The following PHLPP1 variants were observed in gnomAD, a reference collection of about 807,000 sequenced individuals.
PHLPP1 encodes the protein PH domain leucine-rich repeat-containing protein phosphatase 1.
Under a neutral mutation model 117.2 loss-of-function variants are expected in PHLPP1, and 42 were observed. The ratio of observed to expected loss-of-function variants is 0.36; its 90% CI spans 0.28 to 0.46. The LOEUF (loss-of-function observed/expected upper bound fraction) is 0.46. PHLPP1 is among the 20% of genes least tolerant of loss of function. PHLPP1 has a pLI of 1.00. For missense variants in PHLPP1, 2,084 were observed against 2,241.9 expected (o/e 0.93, Z 1.42); for synonymous variants, 1,042 against 970.7 (o/e 1.07, Z -1.37).
intron 6 of PHLPP1, among the ~76,000 whole-genome samples, chr18:62,902,025 A>G (rs1916737514): frequency 6.6e-6 from 1 of 152,220 alleles, no homozygotes; most frequent in Admixed American, 6.5e-5. Flanking sequence ...TAAAGGAGTT[A>G]GACATAGCCT....
chr18:62,739,056 G>A (rs1183786377), intron 1 of PHLPP1, among the ~76,000 whole-genome samples: 1 of 152,192 alleles, frequency 6.6e-6, no homozygotes, highest in Non-Finnish European at 1.5e-5. Context: ...GATGTGTTAA[G>A]TTTGAGGTTC....
At chr18:62,879,989 C>T (rs1384785499) in intron 4 of PHLPP1, among the ~76,000 whole-genome samples, 2 of 151,936 alleles carry the variant, frequency 1.3e-5, no homozygotes, top group Non-Finnish European at 2.9e-5. Context: ...CCCCCAATGC[C>T]GCCAGTAAGT....
rs869097239 is a variant in PHLPP1 at position 62,836,484 on chromosome 18, TAA to T, written c.1774-2296_1774-2295del. Among the ~76,000 whole-genome samples, 41 of 108,450 alleles carry T rather than the reference TAA, an allele frequency of 3.8e-4. No individual in the cohort carries two copies. The East Asian group carries it at 6.6e-3, about 17-fold the overall frequency. The allele number at this position is 108,450 out of a possible 152,430, so 71.1% of individuals were successfully genotyped here. On this transcript the variant is annotated intron_variant, in intron 2 of 16. Transcript: ENST00000262719. ...ATAAATAAATAAATAAATAAATAAATAAAAATAAATTACTGGATTTTGATGCA... is the reference window on the plus strand; with the variant it reads ...ATAAATAAATAAATAAATAAATAAATAAATAAATTACTGGATTTTGATGCA...
At chr18:62,847,846 T>A (rs2144349307) in intron 3 of PHLPP1, among the ~76,000 whole-genome samples, 1 of 152,352 alleles carries the variant, frequency 6.6e-6, no homozygotes, top group South Asian at 2.1e-4. Context: ...TTTTTCCTTA[T>A]AAGTGAGCTG....
At chr18:62,977,930 A>G (rs1218275810) in intron 16 of PHLPP1, among the ~76,000 whole-genome samples, 3 of 152,234 alleles carry the variant, frequency 2.0e-5, no homozygotes, top group Admixed American at 6.5e-5. Flanking sequence ...CTAGCCAGCT[A>G]TGCTTGCTGT....
At chr18:62,758,716 G>GA (rs1286462198) in intron 1 of PHLPP1, among the ~76,000 whole-genome samples, 3 of 152,006 alleles carry the variant, frequency 2.0e-5, no homozygotes, top group Admixed American at 1.3e-4. Context: ...TTTGCATGTG[G>GA]AAAACCCGTG....
At chr18:62,866,789 C>A (rs1252692833) in intron 4 of PHLPP1, among the ~76,000 whole-genome samples, 1 of 152,106 alleles carries the variant, frequency 6.6e-6, no homozygotes, top group Non-Finnish European at 1.5e-5. Flanking sequence ...ACAGAGTCAC[C>A]GACTTGATCC....
intron 4 of PHLPP1, among the ~76,000 whole-genome samples, chr18:62,881,105 T>C (rs770763415): frequency 6.6e-6 from 1 of 152,206 alleles, no homozygotes; most frequent in Non-Finnish European, 1.5e-5. Flanking sequence ...GAGTTTTCTC[T>C]TTAGGGCTGG....
At chr18:62,802,501 A>G (rs573838891) in intron 1 of PHLPP1, among the ~76,000 whole-genome samples, 9 of 152,344 alleles carry the variant, frequency 5.9e-5, no homozygotes, top group African/African-American at 2.2e-4. Flanking sequence ...CCAGAACATC[A>G]TAGTGCTAAC....
At chr18:62,841,409 T>C (rs1323261360) in intron 3 of PHLPP1, among the ~76,000 whole-genome samples, 1 of 150,042 alleles carries the variant, frequency 6.7e-6, no homozygotes, top group Admixed American at 6.7e-5. Context: ...CTTGGCTCAC[T>C]GCAACCTATG....
At chr18:62,855,108 TTAAGC>T (rs889579238) in intron 3 of PHLPP1, among the ~76,000 whole-genome samples, 1 of 152,190 alleles carries the variant, frequency 6.6e-6, no homozygotes, top group Non-Finnish European at 1.5e-5. Context: ...ATTGGGAAGA[TTAAGC>T]TAAATATTGT....
chr18:62,823,682 A>G (rs1914530041), intron 1 of PHLPP1, among the ~76,000 whole-genome samples: 2 of 151,722 alleles, frequency 1.3e-5, no homozygotes, highest in African/African-American at 4.8e-5. Context: ...TATGTAAAGG[A>G]CTTAACCCAA....
chr18:62,774,941 A>T (rs1035329439), intron 1 of PHLPP1, among the ~76,000 whole-genome samples: 2 of 151,532 alleles, frequency 1.3e-5, no homozygotes, highest in African/African-American at 2.4e-5. Context: ...CTAATGTCTT[A>T]AAAAAAATAA....
At chr18:62,791,152 A>C (rs922947006) in intron 1 of PHLPP1, among the ~76,000 whole-genome samples, 16 of 152,094 alleles carry the variant, frequency 1.1e-4, no homozygotes, top group Non-Finnish European at 1.8e-4. Context: ...AGCGCTTAAT[A>C]ATTAGTGGTT....
Position 62,929,711 on chromosome 18 carries a change from G to T in PHLPP1, c.2960+9597G>T, listed in dbSNP as rs73478164. Among the ~76,000 whole-genome samples the T allele has an allele frequency of 5.3e-3, 808 of 152,308 alleles. 11 individuals are homozygous for T. Among genetic ancestry groups the T allele is most frequent in the African/African-American group, 0.019 (774 of 41,574 alleles). Reference sequence around the variant, plus strand: ...GCGTGTTGTCCTAGCACTTTGGGAGGCCAAAGCAGGAGGATAGCTTGAGGT... The same window carrying T: ...GCGTGTTGTCCTAGCACTTTGGGAGTCCAAAGCAGGAGGATAGCTTGAGGT... On this transcript the variant is annotated intron_variant, in intron 10 of 16. Transcript: ENST00000262719.
At chr18:62,726,459 G>C (rs1388186698) in intron 1 of PHLPP1, among the ~76,000 whole-genome samples, 2 of 151,174 alleles carry the variant, frequency 1.3e-5, no homozygotes, top group East Asian at 1.9e-4. Context: ...TTTTCCTCTA[G>C]GTTTTCAGGG....
At chr18:62,816,438 G>A (rs1781434668) in intron 1 of PHLPP1, among the ~76,000 whole-genome samples, 1 of 152,080 alleles carries the variant, frequency 6.6e-6, no homozygotes, top group Non-Finnish European at 1.5e-5. Context: ...ATGGTGGCAC[G>A]TGCCTGTAAT....
chr18:62,977,466 T>A (rs2144495030), intron 16 of PHLPP1, among the ~76,000 whole-genome samples: 1 of 150,766 alleles, frequency 6.6e-6, no homozygotes, highest in East Asian at 1.9e-4. Flanking sequence ...CAGGTCTTTT[T>A]ATTGGCAAGT....
At chr18:62,812,767 A>C (rs939371036) in intron 1 of PHLPP1, among the ~76,000 whole-genome samples, 37 of 151,910 alleles carry the variant, frequency 2.4e-4, no homozygotes, top group African/African-American at 8.0e-4. Flanking sequence ...TCAGCTGGGA[A>C]GGCGGTGATT....
Sources: gnomAD v4.1 joint callset for allele counts (sites outside exome capture counted in the v4.1 genomes callset) on GRCh38, gnomAD v4.1.1 for gene constraint, MANE v1.5 for transcripts, NCBI Gene and HGNC (gene_info 2026-07-23, HGNC 2026-07-21) for gene names.